Variants in ADGRL3 observed in about 807,000 individuals in gnomAD.
ADGRL3 encodes calcium-independent alpha-latrotoxin receptor 3.
Under a neutral mutation model 153.5 loss-of-function variants are expected in ADGRL3, and 62 were observed. The observed-to-expected ratio is 0.40, with a 90% CI of 0.33 to 0.50. The LOEUF is 0.50. Ranked by LOEUF, ADGRL3 falls within the 20% of genes least tolerant of loss-of-function variation. ADGRL3 has a pLI of 0.47. For missense variants in ADGRL3, 1,641 were observed against 1,859.4 expected, an observed-to-expected ratio of 0.88 and a Z score of 2.16; for synonymous variants, 710 against 672.5, an observed-to-expected ratio of 1.06 and a Z score of -0.86.
intron 1 of ADGRL3, among the ~76,000 whole-genome samples, chr4:61,291,607 C>T (rs1277921992): frequency 0.013 from 113 of 8,530 alleles, no homozygotes; most frequent in East Asian, 0.12. Flanking sequence ...TATATATACA[C>T]ACACATATAT....
chr4:61,953,237 C>T (rs899344279), intron 17 of ADGRL3, among the ~76,000 whole-genome samples: 4 of 152,158 alleles, frequency 2.6e-5, no homozygotes, highest in African/African-American at 7.2e-5. Context: ...TCTAACTCTA[C>T]AGGAAAATCT....
intron 9 of ADGRL3, among the ~76,000 whole-genome samples, chr4:61,866,993 T>A (rs2098404363): frequency 1.3e-5 from 2 of 152,160 alleles, no homozygotes; most frequent in African/African-American, 4.8e-5. Context: ...AAGGATTATA[T>A]TGACTTTGTG....
At chr4:61,235,515 C>T (rs538848585) in intron 1 of ADGRL3, among the ~76,000 whole-genome samples, 7 of 152,198 alleles carry the variant, frequency 4.6e-5, no homozygotes, top group African/African-American at 1.2e-4. Flanking sequence ...GTACAAATCC[C>T]GTAAACAATG....
chr4:61,549,089 T>G (rs989810010), intron 4 of ADGRL3, among the ~76,000 whole-genome samples: 8 of 152,028 alleles, frequency 5.3e-5, no homozygotes, highest in African/African-American at 1.9e-4. Flanking sequence ...ATTTTATTCT[T>G]TTTGTGGCTA....
At chr4:61,749,369 C>CA (rs1238490658) in intron 8 of ADGRL3, among the ~76,000 whole-genome samples, 29 of 152,116 alleles carry the variant, frequency 1.9e-4, no homozygotes, top group African/African-American at 7.0e-4. Flanking sequence ...GGTATATACC[C>CA]AAAGGACTAT....
At chr4:61,803,618 T>C (rs961105699) in intron 8 of ADGRL3, among the ~76,000 whole-genome samples, 8 of 152,124 alleles carry the variant, frequency 5.3e-5, no homozygotes, top group Non-Finnish European at 1.0e-4. Flanking sequence ...AGGAACCAAA[T>C]GATTCATTTA....
chr4:61,277,715 A>G (rs959720385), intron 1 of ADGRL3, among the ~76,000 whole-genome samples: 4 of 152,178 alleles, frequency 2.6e-5, no homozygotes, highest in Admixed American at 6.6e-5. Context: ...TCTTTCATTT[A>G]TAAAAATAGG....
chr4:61,941,891 G>C (rs62304441), intron 15 of ADGRL3, among the ~76,000 whole-genome samples: 12,119 of 63,052 alleles, frequency 0.19, 1,323 homozygotes, highest in East Asian at 0.51. Context: ...GGGACAATTT[G>C]ACTTCCTCTT....
chr4:61,595,891 G>T (rs891424274), intron 5 of ADGRL3, among the ~76,000 whole-genome samples: 1 of 152,106 alleles, frequency 6.6e-6, no homozygotes, highest in African/African-American at 2.4e-5. Flanking sequence ...TTCTTGTGTG[G>T]GTGCTGGCTG....
Position 61,497,354 on chromosome 4 carries a change from AT to A in ADGRL3, c.55+11del. On this transcript the variant is annotated splice_region_variant and intron_variant, in intron 3 of 26. Transcript: ENST00000683033. ...CTTAGCTCCAATAATTCATGGTAAG[AT>A]TTTTCAGATTTTTGTGTAATGCTTA... 6.3e-7 allele frequency: 1 copy of A among 1,592,064 alleles called. No homozygotes were observed. The highest frequency in any genetic ancestry group is 8.6e-7 in the Non-Finnish European group (1 of 1,168,088).
chr4:61,402,764 T>C (rs1263057645), intron 2 of ADGRL3, among the ~76,000 whole-genome samples: 1 of 152,112 alleles, frequency 6.6e-6, no homozygotes, highest in Non-Finnish European at 1.5e-5. Context: ...TTAAATGTTA[T>C]TCTTTCTTAA....
chr4:61,455,322 A>G (rs76698710), intron 2 of ADGRL3, among the ~76,000 whole-genome samples: 4,478 of 152,248 alleles, frequency 0.029, 223 homozygotes, highest in African/African-American at 0.096. Context: ...ACTTTGGAAT[A>G]TTTTCAAAGT....
chr4:61,635,736 T>G (rs1214127153), intron 5 of ADGRL3, among the ~76,000 whole-genome samples: 1 of 152,104 alleles, frequency 6.6e-6, no homozygotes, highest in Non-Finnish European at 1.5e-5. Context: ...CTTATGATTT[T>G]GGAGGCTGGA....
chr4:61,957,009 G>A (rs910047948), intron 17 of ADGRL3, among the ~76,000 whole-genome samples: 5 of 152,050 alleles, frequency 3.3e-5, no homozygotes, highest in Non-Finnish European at 5.9e-5. Flanking sequence ...GGATTGTCTT[G>A]GCTATACGGG....
At chr4:61,825,704 C>T (rs2097794132) in intron 9 of ADGRL3, among the ~76,000 whole-genome samples, 1 of 152,128 alleles carries the variant, frequency 6.6e-6, no homozygotes, top group Non-Finnish European at 1.5e-5. Flanking sequence ...TATGCAGTTG[C>T]ATCTTATGCA....
chr4:62,000,721 T>G (rs2099137326), intron 21 of ADGRL3, among the ~76,000 whole-genome samples: 1 of 152,066 alleles, frequency 6.6e-6, no homozygotes. Context: ...ATGAAGAAGA[T>G]AAATTGGGTA....
At chr4:61,981,768 T>C (rs912146752) in intron 18 of ADGRL3, among the ~76,000 whole-genome samples, 5 of 152,182 alleles carry the variant, frequency 3.3e-5, no homozygotes, top group African/African-American at 1.2e-4. Context: ...GCATAATAAA[T>C]AGTTCGCTTA....
chr4:61,646,041 T>C (rs529980954), intron 5 of ADGRL3, among the ~76,000 whole-genome samples: 1 of 152,338 alleles, frequency 6.6e-6, no homozygotes, highest in Non-Finnish European at 1.5e-5. Context: ...TCATTTCATC[T>C]TCCATCGCTG....
intron 4 of ADGRL3, among the ~76,000 whole-genome samples, chr4:61,552,027 G>A (rs2098742619): frequency 6.6e-6 from 1 of 152,152 alleles, no homozygotes; most frequent in African/African-American, 2.4e-5. Context: ...CATTTTATTA[G>A]ATGGATTACA....
Sources: gnomAD v4.1 joint callset for allele counts (sites outside exome capture counted in the v4.1 genomes callset) on GRCh38, gnomAD v4.1.1 for gene constraint, MANE v1.5 for transcripts, NCBI Gene and HGNC (gene_info 2026-07-23, HGNC 2026-07-21) for gene names.